Variants in PDS5B observed in about 807,000 individuals in gnomAD.
PDS5B encodes sister chromatid cohesion protein PDS5 homolog B.
PDS5B carries 51 observed loss-of-function variants against 184.1 expected under a neutral mutation model. That is an observed-to-expected ratio of 0.28 (90% confidence interval 0.22 to 0.35). The LOEUF is 0.35. Ranked by LOEUF, PDS5B falls within the 10% of genes least tolerant of loss-of-function variation. PDS5B has a pLI of 1.00. For missense variants in PDS5B, 1,180 were observed against 1,723.3 expected, an observed-to-expected ratio of 0.68 and a Z score of 5.58; for synonymous variants, 566 against 569.2, an observed-to-expected ratio of 0.99 and a Z score of 0.08.
intron 3 of PDS5B, 138 bp downstream of exon 3, chr13:32,652,145 GTTTTTTTT>G: frequency 2.1e-6 from 1 of 473,030 alleles, no homozygotes. Flanking sequence ...TAAACTTAAT[GTTTTTTTT>G]TTTTTTTAGA....
At chr13:32,703,376 A>G (rs939903926) in intron 17 of PDS5B, among the ~76,000 whole-genome samples, 2 of 152,232 alleles carry the variant, frequency 1.3e-5, no homozygotes, top group East Asian at 1.9e-4. Context: ...ACTGAAAACC[A>G]GGAATAGATC....
intron 11 of PDS5B, among the ~76,000 whole-genome samples, chr13:32,685,429 G>C (rs1951358072): frequency 6.6e-6 from 1 of 152,094 alleles, no homozygotes; most frequent in Non-Finnish European, 1.5e-5. Flanking sequence ...TTTGTGTATT[G>C]TTGGGATCAT....
chr13:32,678,998 G>A, intron 10 of PDS5B, 69 bp downstream of exon 10: 1 of 789,534 alleles, frequency 1.3e-6, no homozygotes, highest in Non-Finnish European at 2.1e-6. Context: ...TTTCATAGGG[G>A]GAAAAAAAAC....
chr13:32,761,669 G>A (rs1593632765), intron 30 of PDS5B, among the ~76,000 whole-genome samples: 1 of 152,210 alleles, frequency 6.6e-6, no homozygotes, highest in South Asian at 2.1e-4. Context: ...GTATTCCATG[G>A]TATATATGAA....
At chr13:32,662,622 A>G (rs972325794) in intron 6 of PDS5B, among the ~76,000 whole-genome samples, 9 of 152,288 alleles carry the variant, frequency 5.9e-5, no homozygotes, top group South Asian at 4.1e-4. Flanking sequence ...TAAAATATTT[A>G]GAAATGATAA....
chr13:32,759,998 C>T (rs1394300843), intron 29 of PDS5B, among the ~76,000 whole-genome samples: 2 of 151,922 alleles, frequency 1.3e-5, no homozygotes, highest in African/African-American at 4.8e-5. Flanking sequence ...TCTCTGTTGC[C>T]CAGGCTGGAG....
intron 1 of PDS5B, among the ~76,000 whole-genome samples, chr13:32,640,950 G>A (rs984781409): frequency 4.6e-5 from 7 of 151,738 alleles, no homozygotes; most frequent in Non-Finnish European, 8.8e-5. Context: ...CCAGCTACTC[G>A]GGAGGCTGAG....
chr13:32,742,743 T>A lies in PDS5B; in HGVS notation c.2612+16T>A, dbSNP rs369665401. On this transcript the variant is annotated intron_variant, in intron 23 of 34. Transcript: ENST00000315596. ...GGAAAATTAGGTATGCAATTACTAT[T>A]TCACAGTTCTTTGGATTGCATAATA... The A allele has an allele frequency of 3.1e-6, 5 of 1,605,074 alleles. No individual in the cohort carries two copies. The African/African-American group carries it at 6.7e-5, about 21-fold the overall frequency.
intron 1 of PDS5B, among the ~76,000 whole-genome samples, chr13:32,626,206 A>G (rs2058368672): frequency 6.6e-6 from 1 of 152,158 alleles, no homozygotes; most frequent in Admixed American, 6.5e-5. Context: ...CTGGGGCACC[A>G]TAATCCCTTC....
chr13:32,616,490 A>G (rs1019398765), intron 1 of PDS5B, among the ~76,000 whole-genome samples: 1 of 152,158 alleles, frequency 6.6e-6, no homozygotes, highest in African/African-American at 2.4e-5. Flanking sequence ...CCATTTTATG[A>G]TGTTACCAAG....
chr13:32,696,772 T>A (rs778174166), intron 14 of PDS5B, 82 bp from the exon 15 acceptor site: 2 of 911,338 alleles, frequency 2.2e-6, no homozygotes, highest in Non-Finnish European at 3.6e-6. Flanking sequence ...TAGTGGGTTA[T>A]GCTTGTCTAA....
intron 26 of PDS5B, among the ~76,000 whole-genome samples, chr13:32,756,841 G>A (rs976571705): frequency 4.6e-5 from 7 of 151,932 alleles, no homozygotes; most frequent in African/African-American, 1.5e-4. Context: ...AAATTAGTTC[G>A]GCCAGGCCTG....
intron 19 of PDS5B, among the ~76,000 whole-genome samples, chr13:32,715,462 A>G (rs536204220): frequency 4.6e-5 from 7 of 152,218 alleles, no homozygotes; most frequent in Admixed American, 2.0e-4. Flanking sequence ...CTATCATTTT[A>G]GTTTAATTAT....
intron 1 of PDS5B, among the ~76,000 whole-genome samples, chr13:32,622,393 C>G (rs1427332740): frequency 6.6e-6 from 1 of 151,738 alleles, no homozygotes; most frequent in Non-Finnish European, 1.5e-5. Flanking sequence ...ACATTTTAGT[C>G]AGGAATATGT....
intron 31 of PDS5B, among the ~76,000 whole-genome samples, chr13:32,768,274 A>C (rs1370878118): frequency 6.6e-6 from 1 of 152,132 alleles, no homozygotes; most frequent in Non-Finnish European, 1.5e-5. Context: ...CTGTGTCCTC[A>C]CATGAGAGGT....
intron 19 of PDS5B, among the ~76,000 whole-genome samples, chr13:32,719,938 G>A (rs1368643363): frequency 1.3e-5 from 2 of 152,006 alleles, no homozygotes; most frequent in African/African-American, 4.8e-5. Context: ...TTACAGGCGT[G>A]TGCCACCACC....
intron 18 of PDS5B, among the ~76,000 whole-genome samples, chr13:32,707,260 A>G (rs1302280186): frequency 6.6e-6 from 1 of 152,136 alleles, no homozygotes; most frequent in Non-Finnish European, 1.5e-5. Context: ...ATTATATTAA[A>G]ATAGTGGAGT....
intron 7 of PDS5B, among the ~76,000 whole-genome samples, chr13:32,669,376 A>G (rs1051689639): frequency 1.3e-5 from 2 of 151,550 alleles, no homozygotes; most frequent in Non-Finnish European, 2.9e-5. Context: ...TACTGTATTG[A>G]TATCTCTACT....
intron 7 of PDS5B, among the ~76,000 whole-genome samples, chr13:32,671,092 G>C (rs1226021718): frequency 2.6e-5 from 4 of 152,066 alleles, no homozygotes; most frequent in Admixed American, 6.5e-5. Flanking sequence ...GGAAGGACTT[G>C]GATTGTTTTA....
Sources: allele counts gnomAD v4.1 joint callset (sites outside exome capture counted in the v4.1 genomes callset), GRCh38; gene constraint gnomAD v4.1.1; transcripts MANE v1.5; gene names NCBI Gene and HGNC (gene_info 2026-07-23, HGNC 2026-07-21).